The following SLITRK3 variants were observed in gnomAD, a reference collection of about 807,000 sequenced individuals.
SLITRK3 encodes SLIT and NTRK-like protein 3.
A neutral mutation model predicts 63.6 loss-of-function variants in SLITRK3; 16 were observed. The observed-to-expected ratio is 0.25, with a 90% CI of 0.17 to 0.38. The LOEUF (loss-of-function observed/expected upper bound fraction) is 0.38, where lower values mean the gene tolerates loss of function less well. SLITRK3 is among the 10% of genes least tolerant of loss of function. The pLI is 1.00. For missense variants in SLITRK3, 1,117 were observed against 1,181.4 expected (o/e 0.95, Z 0.80); for synonymous variants, 547 against 451.6 (o/e 1.21, Z -2.68).
At position 165,190,278 on chromosome 3, in the gene SLITRK3, T is replaced by C. The variant is rs147997923; in HGVS notation, c.553A>G (p.Ile185Val). 2.4e-5 allele frequency: 39 copies of C among 1,614,008 alleles called. No homozygotes were observed. Among genetic ancestry groups the C allele is most frequent in the Middle Eastern group, 1.6e-4 (1 of 6,084 alleles). ...AATAAATTGGTTGGAAGCATGGGGA[T>C]GAGATTATCATTTAAAATCAGAACC... ...LRVLILNDNL[I>V]PMLPTNLFKA... Residue 185 changes from isoleucine to valine, a missense_variant, in exon 2 of 2, where the codon ATC (isoleucine) becomes GTC (valine). By Grantham distance (29) the Ile-to-Val change is conservative. Coordinates refer to ENST00000475390, the MANE Select transcript of SLITRK3 (RefSeq NM_001318810.2).
rs1434588557 is a variant in SLITRK3 at position 165,195,961 on chromosome 3, A to G, written c.-403T>C. ...ATCTCGGTGCTCTGGATCAGTGGAG[A>G]GCTTCGTTGTTCCCGAGAGCCTGAG... On this transcript the variant is annotated 5_prime_UTR_variant, in exon 1 of 2. Transcript: ENST00000475390. 6.6e-6 allele frequency: 1 copy of G among 152,406 alleles called. No homozygotes were observed. The highest frequency in any genetic ancestry group is 1.5e-5 in the Non-Finnish European group (1 of 68,088). 9.4% of individuals were successfully genotyped at this position (152,406 alleles called of 1,614,324 possible). A position where few individuals can be genotyped will look rare whatever the true frequency, so the allele number is the denominator to read the frequency against.
rs774875231 is a variant in SLITRK3 at position 165,188,280 on chromosome 3, C to T, written c.2551G>A (p.Gly851Arg). ...PAVGGVSGVV[G>R]GTGGDLAGFR... ...CCTGCCAAGTCTCCCCCAGTTCCCC[C>T]AACTACTCCTGAAACCCCACCAACT... The change falls in exon 2 of 2, where the codon GGG becomes AGG. Residue 851 changes from glycine to arginine, a missense_variant. Transcript: ENST00000475390. 29 of 1,613,698 alleles carry T rather than the reference C, an allele frequency of 1.8e-5. No individual in the cohort carries two copies. The highest frequency in any genetic ancestry group is 1.9e-5 in the Non-Finnish European group (22 of 1,179,908).
Position 165,188,050 on chromosome 3 carries a change from C to A in SLITRK3, c.2781G>T (p.Gln927His), listed in dbSNP as rs745883009. The A allele has an allele frequency of 2.5e-6, 4 of 1,613,842 alleles. No individual in the cohort carries two copies. The East Asian group carries it at 6.7e-5, about 27-fold the overall frequency. ...PPGMQYPDLQ[Q>H]DARLKETLLF... The stretch of plus-strand genomic sequence containing the variant: ...GAAGGGTTTCTTTGAGCCTGGCATC[C>A]TGCTGTAAGTCTGGGTATTGCATGC... Residue 927 changes from glutamine to histidine, a missense_variant, in exon 2 of 2, where the codon CAG becomes CAT. Transcript: ENST00000475390.
In SLITRK3 at chr3:165,190,842, G is replaced by T. The variant is rs1431644980; in HGVS notation, c.-12C>A. 3.2e-6 allele frequency: 5 copies of T among 1,549,998 alleles called. No individual in the cohort carries two copies. In the South Asian group the frequency reaches 3.7e-5, roughly 12 times the overall value. ...ATGGAAGGTTTCATCGTTCGTGGTT[G>T]ATTACAAAACTGCAACAGAAATAAA... On this transcript the variant is annotated 5_prime_UTR_variant, in exon 2 of 2. Coordinates refer to ENST00000475390, the MANE Select transcript of SLITRK3 (RefSeq NM_001318810.2).
In SLITRK3 at chr3:165,190,031, A is replaced by C; in HGVS notation, c.800T>G (p.Phe267Cys). 1 of 1,613,812 alleles carries C rather than the reference A, an allele frequency of 6.2e-7. No individual in the cohort carries two copies. The highest frequency in any genetic ancestry group is 1.1e-5 in the South Asian group (1 of 91,070). ...GATTTCTCGTAGGTCCTTTCCATGGAAGTGGAAAGGGGTCTCACAGGTAAT... is the reference window on the plus strand; with the variant it reads ...GATTTCTCGTAGGTCCTTTCCATGGCAGTGGAAAGGGGTCTCACAGGTAAT... ...GDITCETPFHFHGKDLREIRK... is the reference protein window; with the variant it reads ...GDITCETPFHCHGKDLREIRK... The change falls in exon 2 of 2, where the codon TTC (phenylalanine) becomes TGC (cysteine). Residue 267 changes from phenylalanine to cysteine, a missense_variant. By Grantham distance (205) the Phe-to-Cys change is radical. Transcript: ENST00000475390.
Position 165,186,916 on chromosome 3 carries a change from G to C in SLITRK3, c.*981C>G, listed in dbSNP as rs1048258491. On this transcript the variant is annotated 3_prime_UTR_variant, in exon 2 of 2. Coordinates refer to ENST00000475390, the MANE Select transcript of SLITRK3 (RefSeq NM_001318810.2). ...CAAAGCTGTTAGTGATATATACCCA[G>C]TTGCTTTTTTTAATATTATATATAT... The C allele has an allele frequency of 6.6e-6, 1 of 152,094 alleles. No homozygotes were observed. Among genetic ancestry groups the C allele is most frequent in the Non-Finnish European group, 1.5e-5 (1 of 67,954 alleles). The allele number at this position is 152,094 out of a possible 1,614,324, so 9.4% of individuals were successfully genotyped here. A position where few individuals can be genotyped will look rare whatever the true frequency, so the allele number is the denominator to read the frequency against.
chr3:165,193,644 G>A (rs1285019206), intron 1 of SLITRK3, among the ~76,000 whole-genome samples: 1 of 152,000 alleles, frequency 6.6e-6, no homozygotes, highest in African/African-American at 2.4e-5. Flanking sequence ...GATAGCCCCT[G>A]GATTCAACAG....
In SLITRK3 at chr3:165,187,863, A is replaced by G. The variant is rs1430973263; in HGVS notation, c.*34T>C. On this transcript the variant is annotated 3_prime_UTR_variant, in exon 2 of 2. Coordinates refer to ENST00000475390, the MANE Select transcript of SLITRK3 (RefSeq NM_001318810.2). Reference sequence around the variant, plus strand: ...TCTTTTATTTTCCTTTTCTTTTGAAAAAAAAAAAGCACTAATATATTTTCT... The same window carrying G: ...TCTTTTATTTTCCTTTTCTTTTGAAGAAAAAAAAGCACTAATATATTTTCT... 6.6e-7 allele frequency: 1 copy of G among 1,517,490 alleles called. No individual in the cohort carries two copies. The highest frequency in any genetic ancestry group is 8.9e-7 in the Non-Finnish European group (1 of 1,126,092). The allele number at this position is 1,517,490 out of a possible 1,614,324, so 94.0% of individuals were successfully genotyped here.
chr3:165,186,911 A>G lies in SLITRK3; in HGVS notation c.*986T>C, dbSNP rs1256554183. On this transcript the variant is annotated 3_prime_UTR_variant, in exon 2 of 2. Transcript: ENST00000475390. ...TCCTACAAAGCTGTTAGTGATATAT[A>G]CCCAGTTGCTTTTTTTAATATTATA... 1.3e-5 allele frequency: 2 copies of G among 152,334 alleles called. No homozygotes were observed. Among genetic ancestry groups the G allele is most frequent in the African/African-American group, 4.8e-5 (2 of 41,366 alleles). The allele number at this position is 152,334 out of a possible 1,614,324, so 9.4% of individuals were successfully genotyped here. A position where few individuals can be genotyped will look rare whatever the true frequency, so the allele number is the denominator to read the frequency against.
At chr3:165,194,060 G>A (rs961634417) in intron 1 of SLITRK3, among the ~76,000 whole-genome samples, 9 of 152,214 alleles carry the variant, frequency 5.9e-5, no homozygotes, top group African/African-American at 2.2e-4. Context: ...CAAGTGTGCA[G>A]CAAAGGAGTC....
rs1718084191 is a variant in SLITRK3 at position 165,189,117 on chromosome 3, G to C, written c.1714C>G (p.Pro572Ala). 6.2e-7 allele frequency: 1 copy of C among 1,614,152 alleles called. No individual in the cohort carries two copies. ...ATGGTTTCGATCCACTGTTTAAAGG[G>C]GACCAGGTCACAGGTGCAGTCCCAA... ...NPWDCTCDLV[P>A]FKQWIETISS... The change falls in exon 2 of 2, where the codon CCC becomes GCC. Residue 572 changes from proline (P) to alanine (A), a missense_variant. By Grantham distance (27) the Pro-to-Ala change is conservative. This residue lies in a region of SLITRK3 where 158 missense variants were observed against 197.2 expected (regional missense o/e 0.80). Coordinates refer to ENST00000475390, the MANE Select transcript of SLITRK3 (RefSeq NM_001318810.2). The surrounding 1 kb of genome is among the most constrained non-coding windows in gnomAD (Gnocchi z 4.0).
chr3:165,193,478 T>C (rs1560056205), intron 1 of SLITRK3, among the ~76,000 whole-genome samples: 1 of 151,204 alleles, frequency 6.6e-6, no homozygotes, highest in Admixed American at 6.6e-5. Context: ...GAAATCCAGG[T>C]CCCCAAAGCA....
chr3:165,188,215 A>G lies in SLITRK3; in HGVS notation c.2616T>C (p.Phe872=), dbSNP rs760266772. 2 of 1,613,724 alleles carry G rather than the reference A, an allele frequency of 1.2e-6. No homozygotes were observed. Among genetic ancestry groups the G allele is most frequent in the Middle Eastern group, 1.6e-4 (1 of 6,062 alleles). Residue 872 remains phenylalanine, a synonymous_variant, in exon 2 of 2, where the codon TTT becomes TTC. Transcript: ENST00000475390. ...HHEKNGGVVL[F]PPGGGCGSGS... The stretch of plus-strand genomic sequence containing the variant: ...CACTACCACAGCCTCCCCCAGGAGG[A>G]AACAGCACCACCCCACCATTTTTCT...
rs771165714 is a variant in SLITRK3, at chr3:165,189,817, C to A, written c.1014G>T (p.Gln338His). The A allele has an allele frequency of 1.2e-6, 2 of 1,613,950 alleles. No homozygotes were observed. The highest frequency in any genetic ancestry group is 2.7e-5 in the African/African-American group (2 of 74,884). Residue 338 changes from glutamine (Q) to histidine (H), a missense_variant, in exon 2 of 2, where the codon CAG (glutamine) becomes CAT (histidine). Gln to His is a conservative substitution (Grantham distance 24). This residue lies in a region of SLITRK3 where 452 missense variants were observed against 495.3 expected (regional missense o/e 0.91). Coordinates refer to ENST00000475390, the MANE Select transcript of SLITRK3 (RefSeq NM_001318810.2). This position sits in a 1 kb window ranked among gnomAD's most constrained non-coding sequence, Gnocchi z 4.0. ...TGGAGGGTGGCCTTGGTGTTCGAGG[C>A]TGTTTGGTGGGCTTAGGCTGTTTAT... ...SSNKQPKPTK[Q>H]PRTPRPPSTS...
In SLITRK3 at chr3:165,188,761, G is replaced by T. The variant is rs1369631755; in HGVS notation, c.2070C>A (p.Ser690Arg). 3.1e-6 allele frequency: 5 copies of T among 1,614,060 alleles called. No homozygotes were observed. Among genetic ancestry groups the T allele is most frequent in the African/African-American group, 1.3e-5 (1 of 74,920 alleles). Residue 690 changes from serine to arginine, a missense_variant, in exon 2 of 2, where the codon AGC becomes AGA. This residue lies in a region of SLITRK3 where 499 missense variants were observed against 463.6 expected (regional missense o/e 1.08). Coordinates refer to ENST00000475390, the MANE Select transcript of SLITRK3 (RefSeq NM_001318810.2). Reference sequence around the variant, plus strand: ...TAAGGTCCACACCTTCCTGCCGCTTGCTTCTGAAGGGCAGCTTCTTTCGAC... The same window carrying T: ...TAAGGTCCACACCTTCCTGCCGCTTTCTTCTGAAGGGCAGCTTCTTTCGAC... Reference protein sequence around the residue: ...RRRRKKLPFRSKRQEGVDLTG... With the variant: ...RRRRKKLPFRRKRQEGVDLTG...
chr3:165,189,098 T>A lies in SLITRK3; in HGVS notation c.1733A>T (p.Glu578Val). 6.2e-7 allele frequency: 1 copy of A among 1,614,190 alleles called. No individual in the cohort carries two copies. The highest frequency in any genetic ancestry group is 8.5e-7 in the Non-Finnish European group (1 of 1,180,034). The change falls in exon 2 of 2, where the codon GAA becomes GTA. Residue 578 changes from glutamate (E) to valine (V), a missense_variant. By Grantham distance (121) the Glu-to-Val change is moderately radical. Around this residue, in one of 4 missense-constraint regions of SLITRK3, gnomAD observed 158 missense variants for 197.2 expected, o/e 0.80. Coordinates refer to ENST00000475390, the MANE Select transcript of SLITRK3 (RefSeq NM_001318810.2). This position sits in a 1 kb window ranked among gnomAD's most constrained non-coding sequence, Gnocchi z 4.0. ...CDLVPFKQWI[E>V]TISSVSVVGD... ...AACCACACTGACTGAGCTGATGGTT[T>A]CGATCCACTGTTTAAAGGGGACCAG...
In SLITRK3 at chr3:165,188,654, G is replaced by T. The variant is rs781327881; in HGVS notation, c.2177C>A (p.Thr726Asn). 3.1e-6 allele frequency: 5 copies of T among 1,613,756 alleles called. No individual in the cohort carries two copies. In the East Asian group the frequency reaches 1.1e-4, roughly 36 times the overall value. ...GGGSGGGGRPTLSSPEKAPPV... is the reference protein window; with the variant it reads ...GGGSGGGGRPNLSSPEKAPPV... ...AGGGGCCTTCTCTGGAGAGGAAAGAGTTGGTCGACCACCACCCCCACTTCC... is the reference window on the plus strand; with the variant it reads ...AGGGGCCTTCTCTGGAGAGGAAAGATTTGGTCGACCACCACCCCCACTTCC... The change falls in exon 2 of 2, where the codon ACT becomes AAT. Residue 726 changes from threonine to asparagine, a missense_variant. By Grantham distance (65) the Thr-to-Asn change is moderately conservative (BLOSUM62 0). Coordinates refer to ENST00000475390, the MANE Select transcript of SLITRK3 (RefSeq NM_001318810.2).
At position 165,187,860 on chromosome 3, in the gene SLITRK3, G is replaced by GAAA. The variant is rs751680059; in HGVS notation, c.*34_*36dup. The GAAA allele has an allele frequency of 5.9e-6, 7 of 1,189,782 alleles. No homozygotes were observed. The highest frequency in any genetic ancestry group is 7.9e-6 in the Non-Finnish European group (7 of 883,802). The allele number at this position is 1,189,782 out of a possible 1,614,324, so 73.7% of individuals were successfully genotyped here. A position where few individuals can be genotyped will look rare whatever the true frequency, so the allele number is the denominator to read the frequency against. On this transcript the variant is annotated 3_prime_UTR_variant, in exon 2 of 2. Coordinates refer to ENST00000475390, the MANE Select transcript of SLITRK3 (RefSeq NM_001318810.2). ...ATTTCTTTTATTTTCCTTTTCTTTT[G>GAAA]AAAAAAAAAAAGCACTAATATATTT...
chr3:165,191,354 T>C (rs1433191143), intron 1 of SLITRK3, among the ~76,000 whole-genome samples: 1 of 152,236 alleles, frequency 6.6e-6, no homozygotes, highest in Non-Finnish European at 1.5e-5. Context: ...AAAATTATTA[T>C]ATTGATTAGT....
Sources: allele counts gnomAD v4.1 joint callset (sites outside exome capture counted in the v4.1 genomes callset), GRCh38; gene constraint gnomAD v4.1.1; regional missense constraint gnomAD v4.1.1; non-coding constraint Gnocchi (gnomAD v3.1); transcripts MANE v1.5; gene names NCBI Gene and HGNC (gene_info 2026-07-23, HGNC 2026-07-21).